FAM120B: variants seen among roughly 807,000 people sequenced by gnomAD.
The protein encoded by FAM120B is constitutive coactivator of peroxisome proliferator-activated receptor gamma.
A neutral mutation model predicts 96.3 loss-of-function variants in FAM120B; 83 were observed. The observed-to-expected ratio is 0.86, with a 90% CI of 0.72 to 1.03. The LOEUF is 1.03. FAM120B is among the 50% of genes least tolerant of loss of function. The pLI, the probability that FAM120B is intolerant of heterozygous loss-of-function variation, is 0.00. For synonymous variants in FAM120B, 407 were observed against 402.7 expected, an observed-to-expected ratio of 1.01 and a Z score of -0.13; for missense variants, 1,027 against 1,121.2, an observed-to-expected ratio of 0.92 and a Z score of 1.20.
At chr6:170,369,716 C>T (rs1369345914) in intron 6 of FAM120B, among the ~76,000 whole-genome samples, 2 of 150,140 alleles carry the variant, frequency 1.3e-5, no homozygotes, top group South Asian at 2.1e-4. Flanking sequence ...TTTCCTGCTC[C>T]CATACCTGAC....
intron 6 of FAM120B, among the ~76,000 whole-genome samples, chr6:170,371,327 C>T (rs866202351): frequency 2.6e-5 from 4 of 152,006 alleles, no homozygotes; most frequent in African/African-American, 7.3e-5. Context: ...TGTGGATGGA[C>T]GATGTTTTGT....
chr6:170,350,094 C>T (rs1047524211), intron 5 of FAM120B, among the ~76,000 whole-genome samples: 1 of 152,208 alleles, frequency 6.6e-6, no homozygotes, highest in Non-Finnish European at 1.5e-5. Flanking sequence ...AGCAGCTGCT[C>T]AGGCATACAC....
At chr6:170,391,167 C>T in intron 8 of FAM120B, 46 bp downstream of exon 8, 1 of 1,257,566 alleles carries the variant, frequency 8.0e-7, no homozygotes, top group African/African-American at 1.5e-5. Flanking sequence ...AGCGTAGACC[C>T]TAACTGCTTC....
At chr6:170,337,685 A>G (rs1319827418) in intron 4 of FAM120B, among the ~76,000 whole-genome samples, 2 of 152,088 alleles carry the variant, frequency 1.3e-5, no homozygotes, top group Non-Finnish European at 2.9e-5. Context: ...TTGCTAGGCT[A>G]TTAATTATTG....
At chr6:170,329,303 A>G (rs1354498001) in intron 3 of FAM120B, among the ~76,000 whole-genome samples, 2 of 152,232 alleles carry the variant, frequency 1.3e-5, no homozygotes, top group Non-Finnish European at 2.9e-5. Flanking sequence ...GCCTGTGGGC[A>G]CAAAATTGGC....
intron 4 of FAM120B, among the ~76,000 whole-genome samples, chr6:170,339,417 T>C (rs1459036627): frequency 1.3e-5 from 2 of 151,994 alleles, no homozygotes; most frequent in African/African-American, 4.8e-5. Flanking sequence ...AGTATGTAAC[T>C]TGAAATCCTT....
intron 4 of FAM120B, 186 bp downstream of exon 4, chr6:170,330,736 G>A: frequency 3.3e-6 from 2 of 600,970 alleles, no homozygotes; most frequent in East Asian, 5.7e-5. Flanking sequence ...GGATGATGCT[G>A]TGGCAGGTTT....
intron 6 of FAM120B, among the ~76,000 whole-genome samples, chr6:170,386,356 C>A (rs1790186314): frequency 6.6e-6 from 1 of 151,984 alleles, no homozygotes; most frequent in Admixed American, 6.6e-5. Context: ...TGAAGAAAAG[C>A]AGAAAGCACA....
chr6:170,317,445 A>G lies in FAM120B; in HGVS notation c.55A>G (p.Thr19Ala), dbSNP rs2115018525. The change falls in exon 2 of 11, where the codon ACA becomes GCA. Residue 19 changes from threonine (T) to alanine (A), a missense_variant. Thr to Ala is a moderately conservative substitution (Grantham distance 58, BLOSUM62 0). Coordinates refer to ENST00000476287, the MANE Select transcript of FAM120B (RefSeq NM_032448.3). ...GGGAAGTACCTGCCCACATATATGT[A>G]CAGTAGTAAATTTCAAAGAACTGGC... ...FVGSTCPHIC[T>A]VVNFKELAEH... 6.2e-7 allele frequency: 1 copy of G among 1,614,208 alleles called. No homozygotes were observed. The highest frequency in any genetic ancestry group is 1.3e-5 in the African/African-American group (1 of 75,054).
upstream of FAM120B, among the ~76,000 whole-genome samples, chr6:170,293,335 T>C (rs770280740): frequency 1.3e-5 from 2 of 151,874 alleles, no homozygotes; most frequent in Non-Finnish European, 2.9e-5. Flanking sequence ...AATTAGAAAA[T>C]GGAAGTGGAA....
intron 8 of FAM120B, among the ~76,000 whole-genome samples, chr6:170,394,245 C>CT (rs1790610965): frequency 6.6e-6 from 1 of 152,192 alleles, no homozygotes; most frequent in African/African-American, 2.4e-5. Context: ...GTGAGTCAGC[C>CT]TTAGAGACCA....
chr6:170,349,451 A>AT (rs1251481129), intron 5 of FAM120B, among the ~76,000 whole-genome samples: 1 of 152,148 alleles, frequency 6.6e-6, no homozygotes, highest in Admixed American at 6.6e-5. Context: ...TCTTGGACTG[A>AT]TTTTTTCTTT....
At chr6:170,366,503 G>A (rs1002594815) in intron 6 of FAM120B, among the ~76,000 whole-genome samples, 30 of 152,216 alleles carry the variant, frequency 2.0e-4, no homozygotes, top group African/African-American at 6.5e-4. Flanking sequence ...GGAGAGTGGC[G>A]TGTGAGCGCA....
intron 1 of FAM120B, among the ~76,000 whole-genome samples, chr6:170,315,467 A>G (rs1206402363): frequency 6.6e-6 from 1 of 152,210 alleles, no homozygotes; most frequent in South Asian, 2.1e-4. Flanking sequence ...GTTCCATGCC[A>G]TAGAACCACC....
intron 1 of FAM120B, among the ~76,000 whole-genome samples, chr6:170,301,457 C>T (rs1345929024): frequency 2.0e-5 from 3 of 152,232 alleles, no homozygotes; most frequent in Non-Finnish European, 2.9e-5. Context: ...TCTAACATAC[C>T]CTGGAGACAT....
upstream of FAM120B, among the ~76,000 whole-genome samples, chr6:170,303,789 C>T (rs1784192637): frequency 6.6e-6 from 1 of 152,242 alleles, no homozygotes; most frequent in Non-Finnish European, 1.5e-5. Context: ...TATTTATTCA[C>T]AGCCAAGACA....
chr6:170,360,611 G>T (rs1788290671), intron 6 of FAM120B, among the ~76,000 whole-genome samples: 1 of 152,194 alleles, frequency 6.6e-6, no homozygotes, highest in Admixed American at 6.5e-5. Flanking sequence ...TACAAACGTA[G>T]CAGAGACTTG....
intron 6 of FAM120B, among the ~76,000 whole-genome samples, chr6:170,386,924 CA>C (rs1356221150): frequency 6.6e-6 from 1 of 152,138 alleles, no homozygotes; most frequent in Non-Finnish European, 1.5e-5. Flanking sequence ...TTTTGGAATG[CA>C]ATATTGATTT....
chr6:170,391,924 G>A (rs1482344678), intron 8 of FAM120B, among the ~76,000 whole-genome samples: 1 of 152,106 alleles, frequency 6.6e-6, no homozygotes, highest in Non-Finnish European at 1.5e-5. Context: ...TTAACTTAGG[G>A]CGTTAACACC....
Sources: allele counts gnomAD v4.1 joint callset (sites outside exome capture counted in the v4.1 genomes callset), GRCh38; gene constraint gnomAD v4.1.1; transcripts MANE v1.5; gene names NCBI Gene and HGNC (gene_info 2026-07-23, HGNC 2026-07-21).